TMEM132D: variants seen among roughly 807,000 people sequenced by gnomAD.
The protein encoded by TMEM132D is transmembrane protein 132D, also known as mature OL transmembrane protein.
In TMEM132D, 21 loss-of-function variants were observed where a neutral mutation model predicts 62.3. That is an observed-to-expected ratio of 0.34 (90% confidence interval 0.24 to 0.49). The LOEUF is 0.49. Among genes scored for constraint, TMEM132D ranks in the 20% least tolerant of loss-of-function variants. TMEM132D has a pLI of 0.99. For missense variants in TMEM132D, 1,346 were observed against 1,402.8 expected (o/e 0.96, Z 0.65); for synonymous variants, 621 against 575.6 (o/e 1.08, Z -1.13).
chr12:129,351,613 G>A (rs1336665904), intron 3 of TMEM132D, among the ~76,000 whole-genome samples: 1 of 152,162 alleles, frequency 6.6e-6, no homozygotes, highest in Non-Finnish European at 1.5e-5. Context: ...TCACATCTCT[G>A]CCATTGCTGC....
At chr12:129,213,670 T>C (rs1161824985) in intron 4 of TMEM132D, among the ~76,000 whole-genome samples, 2 of 152,014 alleles carry the variant, frequency 1.3e-5, no homozygotes, top group African/African-American at 4.8e-5. Context: ...CACCTAGTAG[T>C]AGAGGAAGCA....
chr12:129,128,387 T>C (rs1460498988), intron 5 of TMEM132D, among the ~76,000 whole-genome samples: 1 of 151,992 alleles, frequency 6.6e-6, no homozygotes, highest in East Asian at 1.9e-4. Flanking sequence ...ACAATCCTGG[T>C]GGAAGGTGAA....
Position 129,106,095 on chromosome 12 carries a change from T to G in TMEM132D, c.1444-21393A>C, listed in dbSNP as rs868455684. Among the ~76,000 whole-genome samples the G allele has an allele frequency of 9.2e-3, 1,394 of 150,868 alleles. 8 individuals carry two copies. Among genetic ancestry groups the G allele is most frequent in the Middle Eastern group, 0.017 (5 of 292 alleles). ...TGGAATACTATGCAGCCATAAAAAA[T>G]GATGAGTTCATGTCCTTTGTAGGGA... On this transcript the variant is annotated intron_variant, in intron 5 of 8. Transcript: ENST00000422113.
At chr12:129,518,580 C>CAT (rs1426562176) in intron 3 of TMEM132D, among the ~76,000 whole-genome samples, 6 of 144,724 alleles carry the variant, frequency 4.1e-5, no homozygotes, top group African/African-American at 9.9e-5. Context: ...CACACACACA[C>CAT]ATATATATAA....
chr12:129,696,432 T>A (rs1881209472), intron 2 of TMEM132D, among the ~76,000 whole-genome samples: 1 of 152,236 alleles, frequency 6.6e-6, no homozygotes, highest in African/African-American at 2.4e-5. Flanking sequence ...AATCTAAGGA[T>A]GTCTCTGCCT....
chr12:129,743,711 G>A (rs1869682736), intron 1 of TMEM132D, among the ~76,000 whole-genome samples: 1 of 152,156 alleles, frequency 6.6e-6, no homozygotes, highest in African/African-American at 2.4e-5. Context: ...GATTAAGTTA[G>A]GGATCTTGAG....
intron 2 of TMEM132D, among the ~76,000 whole-genome samples, chr12:129,557,100 G>A (rs921735497): frequency 1.3e-5 from 2 of 152,146 alleles, no homozygotes; most frequent in Non-Finnish European, 2.9e-5. Context: ...GAAATATATA[G>A]ACAACCTCTT....
At chr12:129,686,194 G>GA (rs1880911673) in intron 2 of TMEM132D, among the ~76,000 whole-genome samples, 1 of 152,090 alleles carries the variant, frequency 6.6e-6, no homozygotes, top group South Asian at 2.1e-4. Context: ...GCCAGGGGTG[G>GA]AATGATATGG....
chr12:129,241,916 G>A (rs1370292571), intron 4 of TMEM132D, among the ~76,000 whole-genome samples: 1 of 152,130 alleles, frequency 6.6e-6, no homozygotes, highest in Non-Finnish European at 1.5e-5. Flanking sequence ...TGCATGAAAG[G>A]GAGACAAAAT....
chr12:129,176,056 A>G (rs1025347012), intron 5 of TMEM132D, among the ~76,000 whole-genome samples: 2 of 152,136 alleles, frequency 1.3e-5, no homozygotes, highest in African/African-American at 4.8e-5. Context: ...CTTTGGTTGA[A>G]CTTGGGAGCC....
chr12:129,836,061 C>A (rs574228440), intron 1 of TMEM132D, among the ~76,000 whole-genome samples: 4 of 152,206 alleles, frequency 2.6e-5, no homozygotes, highest in African/African-American at 7.2e-5. Flanking sequence ...CCCAGCACAT[C>A]CTAATACTCC....
intron 1 of TMEM132D, among the ~76,000 whole-genome samples, chr12:129,821,603 T>C (rs1009283741): frequency 1.3e-5 from 2 of 152,202 alleles, no homozygotes; most frequent in African/African-American, 4.8e-5. Context: ...TGAAGAAATA[T>C]GGAAACACTG....
In TMEM132D at chr12:129,813,610, T is replaced by TGATA. The variant is rs952071954; in HGVS notation, c.79+89647_79+89650dup. On this transcript the variant is annotated intron_variant, in intron 1 of 8. Coordinates refer to ENST00000422113, the MANE Select transcript of TMEM132D (RefSeq NM_133448.3). ...GAAGGATGGACGGATACAGAAAATGTGATATATATATATATATATATTTTC... is the reference window on the plus strand; with the variant it reads ...GAAGGATGGACGGATACAGAAAATGTGATAGATATATATATATATATATATTTTC... Among the ~76,000 whole-genome samples, 7 of 45,726 alleles carry TGATA rather than the reference T, an allele frequency of 1.5e-4. 1 individual carries two copies. The highest frequency in any genetic ancestry group is 3.6e-4 in the African/African-American group (7 of 19,244). 30.0% of individuals were successfully genotyped at this position (45,726 alleles called of 152,430 possible).
chr12:129,840,600 A>G (rs1208399158), intron 1 of TMEM132D: 1 of 152,242 alleles, frequency 6.6e-6, no homozygotes, highest in Non-Finnish European at 1.5e-5. Context: ...AGGCACACAC[A>G]GAAAGTAAAA....
chr12:129,078,957 G>T (rs573659988), intron 7 of TMEM132D, among the ~76,000 whole-genome samples: 3 of 152,298 alleles, frequency 2.0e-5, no homozygotes, highest in Non-Finnish European at 4.4e-5. Context: ...GGCAGGTAGG[G>T]CTTGGCCCTC....
At chr12:129,378,614 C>T (rs1431843562) in intron 3 of TMEM132D, among the ~76,000 whole-genome samples, 3 of 152,106 alleles carry the variant, frequency 2.0e-5, no homozygotes, top group East Asian at 1.9e-4. Flanking sequence ...GTCTGTCTGC[C>T]CTGAAGCACA....
chr12:129,263,742 A>G (rs747247183), intron 4 of TMEM132D, among the ~76,000 whole-genome samples: 1 of 152,094 alleles, frequency 6.6e-6, no homozygotes, highest in Non-Finnish European at 1.5e-5. Context: ...GGATTAAAAT[A>G]TACATCCCAA....
intron 4 of TMEM132D, among the ~76,000 whole-genome samples, chr12:129,226,580 C>T (rs552076763): frequency 2.6e-5 from 4 of 152,296 alleles, no homozygotes; most frequent in Admixed American, 6.5e-5. Flanking sequence ...AGCCAGAGGG[C>T]GAAGTGACAG....
chr12:129,726,165 G>A (rs1166309841), intron 1 of TMEM132D, among the ~76,000 whole-genome samples: 1 of 152,158 alleles, frequency 6.6e-6, no homozygotes, highest in Non-Finnish European at 1.5e-5. Flanking sequence ...GGGAGCTTGG[G>A]CCTGGTTTCC....
Sources: allele counts gnomAD v4.1 joint callset (sites outside exome capture counted in the v4.1 genomes callset), GRCh38; gene constraint gnomAD v4.1.1; transcripts MANE v1.5; gene names NCBI Gene and HGNC (gene_info 2026-07-23, HGNC 2026-07-21).